Variants in KLHL3 observed in about 807,000 individuals in gnomAD.
KLHL3 encodes kelch like family member 3, also known as kelch-like protein 3.
KLHL3 carries 19 observed loss-of-function variants against 70.5 expected under a neutral mutation model. That is an observed-to-expected ratio of 0.27 (90% CI 0.19 to 0.40). The LOEUF (loss-of-function observed/expected upper bound fraction) is 0.40, where lower values mean the gene tolerates loss of function less well. Ranked by LOEUF, KLHL3 falls within the 10% of genes least tolerant of loss-of-function variation. KLHL3 has a pLI of 1.00. For synonymous variants in KLHL3, 258 were observed against 290.3 expected (o/e 0.89, Z 1.13); for missense variants, 512 against 771.1 (o/e 0.66, Z 3.98).
chr5:137,692,323 G>T lies in KLHL3; in HGVS notation c.488C>A (p.Thr163Asn). The T allele has an allele frequency of 1.2e-6, 2 of 1,613,322 alleles. No homozygotes were observed. The highest frequency in any genetic ancestry group is 1.7e-6 in the Non-Finnish European group (2 of 1,179,894). ...GGCCTGCTGCAGAAGGTCAGTGCAG[G>T]TGTGTACATCTGCAAATGCACGGAT... Reference protein sequence around the residue: ...LGIRAFADVHTCTDLLQQANA... With the variant: ...LGIRAFADVHNCTDLLQQANA... The change falls in exon 5 of 15, where the codon ACC becomes AAC. Residue 163 changes from threonine to asparagine, a missense_variant. Physicochemically the swap from Thr to Asn is moderately conservative, Grantham distance 65. Transcript: ENST00000309755.
intron 5 of KLHL3, among the ~76,000 whole-genome samples, chr5:137,678,905 G>C (rs567103989): frequency 6.6e-6 from 1 of 151,960 alleles, no homozygotes; most frequent in African/African-American, 2.4e-5. Flanking sequence ...TGAAACTCAG[G>C]AATATTTACA....
chr5:137,661,493 C>G (rs1424377826), intron 7 of KLHL3: 1 of 155,356 alleles, frequency 6.4e-6, no homozygotes, highest in Non-Finnish European at 1.4e-5. Context: ...ACATTGTGGA[C>G]ATGACCCTTC....
chr5:137,661,974 T>C lies in KLHL3; in HGVS notation c.694A>G (p.Met232Val). The change falls in exon 7 of 15, where the codon ATG (methionine) becomes GTG (valine). Residue 232 changes from methionine (M) to valine (V), a missense_variant. By Grantham distance (21) the Met-to-Val change is conservative. Coordinates refer to ENST00000309755, the MANE Select transcript of KLHL3 (RefSeq NM_017415.3). ...CGGACATGTTCCATCAGCTTTGCCA[T>C]GTGCTCTAAACGGGTTTCTTTCTCA... ...NYEKETRLEH[M>V]AKLMEHVRLP... 6.2e-7 allele frequency: 1 copy of C among 1,613,742 alleles called. No homozygotes were observed. Among genetic ancestry groups the C allele is most frequent in the South Asian group, 1.1e-5 (1 of 91,062 alleles).
At chr5:137,716,291 C>A (rs1752891417) in intron 2 of KLHL3, among the ~76,000 whole-genome samples, 1 of 151,794 alleles carries the variant, frequency 6.6e-6, no homozygotes, top group African/African-American at 2.4e-5. Flanking sequence ...CTCAAGTGAT[C>A]CTCCTGCAAA....
At chr5:137,709,321 G>A (rs749744068) in intron 3 of KLHL3, among the ~76,000 whole-genome samples, 1 of 152,200 alleles carries the variant, frequency 6.6e-6, no homozygotes, top group Non-Finnish European at 1.5e-5. Context: ...GTAAAGCACT[G>A]GGCCAGGTGC....
At chr5:137,709,672 T>G in intron 3 of KLHL3, 78 bp downstream of exon 3, 1 of 1,139,052 alleles carries the variant, frequency 8.8e-7, no homozygotes, top group Non-Finnish European at 1.3e-6. Context: ...CTCCCTCCCC[T>G]CATGTCACCA....
At chr5:137,623,702 T>C (rs1216247501) in intron 14 of KLHL3, among the ~76,000 whole-genome samples, 2 of 152,230 alleles carry the variant, frequency 1.3e-5, no homozygotes, top group Non-Finnish European at 1.5e-5. Context: ...ATTTACTGCA[T>C]GGTGTCTAAT....
chr5:137,645,292 T>C (rs1324836390), intron 8 of KLHL3, among the ~76,000 whole-genome samples: 1 of 152,096 alleles, frequency 6.6e-6, no homozygotes, highest in Non-Finnish European at 1.5e-5. Flanking sequence ...CTATCCAACA[T>C]AGTACTGGAA....
At position 137,726,849 on chromosome 5, in the gene KLHL3, A is replaced by G. The variant is rs184454259; in HGVS notation, c.15-6265T>C. ...AGTAGAAGGGGATAGTCTGACCAACACTTTTATTTTTTAATGAAAGCAGAG... is the reference window on the plus strand; with the variant it reads ...AGTAGAAGGGGATAGTCTGACCAACGCTTTTATTTTTTAATGAAAGCAGAG... On this transcript the variant is annotated intron_variant, in intron 1 of 14. Transcript: ENST00000309755. 3.9e-5 allele frequency among the ~76,000 whole-genome samples: 6 copies of G among 152,246 alleles called. No homozygotes were observed. The East Asian group carries it at 1.2e-3, about 29-fold the overall frequency.
intron 8 of KLHL3, among the ~76,000 whole-genome samples, chr5:137,655,992 A>AG (rs1751332617): frequency 8.9e-6 from 1 of 112,088 alleles, no homozygotes; most frequent in Non-Finnish European, 1.8e-5. Context: ...CTCTGCCTCA[A>AG]GAAAAAAAAA....
rs1405508704 is a variant in KLHL3 at position 137,729,157 on chromosome 5, T to G, written c.14+6476A>C. Among the ~76,000 whole-genome samples, 5 of 152,118 alleles carry G rather than the reference T, an allele frequency of 3.3e-5. No individual in the cohort carries two copies. In the East Asian group the frequency reaches 9.6e-4, roughly 29 times the overall value. ...AAATTCAGAAGTCATGAGCTGATAC[T>G]GGCCACATACAAGAGGCCCAAGCAC... On this transcript the variant is annotated intron_variant, in intron 1 of 14. Transcript: ENST00000309755.
intron 3 of KLHL3, among the ~76,000 whole-genome samples, chr5:137,700,543 T>C (rs1752545330): frequency 6.6e-6 from 1 of 152,188 alleles, no homozygotes; most frequent in African/African-American, 2.4e-5. Flanking sequence ...AATATTTTTA[T>C]ATATGTGCAA....
chr5:137,659,461 C>T (rs1406016757), intron 7 of KLHL3, among the ~76,000 whole-genome samples: 1 of 152,166 alleles, frequency 6.6e-6, no homozygotes, highest in Admixed American at 6.5e-5. Context: ...GTACCTCTGA[C>T]CACCTCCCTC....
At chr5:137,674,264 T>C (rs1751831894) in intron 6 of KLHL3, among the ~76,000 whole-genome samples, 1 of 152,144 alleles carries the variant, frequency 6.6e-6, no homozygotes, top group African/African-American at 2.4e-5. Context: ...GTGTCTACCA[T>C]GAACCTGATA....
chr5:137,725,197 A>C, intron 1 of KLHL3: 1 of 247,952 alleles, frequency 4.0e-6, no homozygotes, highest in Non-Finnish European at 6.4e-6. Flanking sequence ...AACAGACCAC[A>C]CTAAGGTATA....
intron 3 of KLHL3, among the ~76,000 whole-genome samples, chr5:137,703,821 C>T (rs770445685): frequency 2.7e-4 from 40 of 149,972 alleles, no homozygotes; most frequent in African/African-American, 9.3e-4. Flanking sequence ...ACTAGAAGCA[C>T]GAGAAGCACA....
Position 137,677,535 on chromosome 5 carries a change from C to T in KLHL3, c.636+10G>A. 6.5e-7 allele frequency: 1 copy of T among 1,533,156 alleles called. No individual in the cohort carries two copies. The highest frequency in any genetic ancestry group is 2.3e-5 in the East Asian group (1 of 44,124). The allele number at this position is 1,533,156 out of a possible 1,614,324, so 95.0% of individuals were successfully genotyped here. On this transcript the variant is annotated intron_variant, in intron 6 of 14. Coordinates refer to ENST00000309755, the MANE Select transcript of KLHL3 (RefSeq NM_017415.3). ...TGAGGTTCCCGTTTCCCCAGTGAGC[C>T]ATGTCATACCTTCTCTTCTGAAGAA...
At position 137,619,506 on chromosome 5, in the gene KLHL3, C is replaced by T. The variant is rs1756333868; in HGVS notation, c.*2592G>A. On this transcript the variant is annotated 3_prime_UTR_variant, in exon 15 of 15. Transcript: ENST00000309755. ...AGCTGCATTCACAAGCAGCCGTGGC[C>T]ACCCTAAGTGGGGCAGTAAGAGGCT... The T allele has an allele frequency of 6.5e-6, 1 of 152,686 alleles. No homozygotes were observed. Among genetic ancestry groups the T allele is most frequent in the African/African-American group, 2.4e-5 (1 of 41,458 alleles). 9.5% of individuals were successfully genotyped at this position (152,686 alleles called of 1,614,324 possible). A position where few individuals can be genotyped will look rare whatever the true frequency, so the allele number is the denominator to read the frequency against.
chr5:137,673,497 C>G (rs1352490188), intron 6 of KLHL3, among the ~76,000 whole-genome samples: 2 of 152,094 alleles, frequency 1.3e-5, no homozygotes, highest in Admixed American at 1.3e-4. Flanking sequence ...TTTGACCTCT[C>G]TCAATAACAA....
Sources: gnomAD v4.1 joint callset for allele counts (sites outside exome capture counted in the v4.1 genomes callset) on GRCh38, gnomAD v4.1.1 for gene constraint, MANE v1.5 for transcripts, NCBI Gene and HGNC (gene_info 2026-07-23, HGNC 2026-07-21) for gene names.